Variants in LINGO2 observed in about 807,000 individuals in gnomAD.
LINGO2 encodes the protein leucine-rich repeat and immunoglobulin-like domain-containing nogo receptor-interacting protein 2.
LINGO2 carries 14 observed loss-of-function variants against 30.6 expected under a neutral mutation model. That is an observed-to-expected ratio of 0.46 (90% CI 0.30 to 0.72). The LOEUF (loss-of-function observed/expected upper bound fraction) is 0.72, where lower values mean the gene tolerates loss of function less well. LINGO2 is among the 30% of genes least tolerant of loss of function. The pLI is 0.07. For missense variants in LINGO2, 729 were observed against 751.7 expected (o/e 0.97, Z 0.35); for synonymous variants, 317 against 288.5 (o/e 1.10, Z -1.00).
At chr9:28,824,076 A>C in the LINGO2 span, among the ~76,000 whole-genome samples, 1 of 152,214 alleles carries the variant, frequency 6.6e-6, no homozygotes. Context: ...TTGTAAATTT[A>C]TGCAAATAGT....
the LINGO2 span, among the ~76,000 whole-genome samples, chr9:29,131,661 G>T: frequency 6.6e-6 from 1 of 152,058 alleles, no homozygotes; most frequent in Non-Finnish European, 1.5e-5. Flanking sequence ...AAGAGAAGCT[G>T]ACATTTTGGT....
chr9:28,636,595 T>C (rs1286002234), intron 1 of LINGO2, among the ~76,000 whole-genome samples: 2 of 152,206 alleles, frequency 1.3e-5, no homozygotes, highest in Non-Finnish European at 2.9e-5. Context: ...CATATTTTCA[T>C]TGTGTCTGTT....
At chr9:28,349,589 A>G (rs1480343357) in intron 3 of LINGO2, among the ~76,000 whole-genome samples, 33 of 135,664 alleles carry the variant, frequency 2.4e-4, no homozygotes, top group Admixed American at 5.6e-4. Flanking sequence ...GATATTATCC[A>G]GGAGAACTTC....
At chr9:28,089,297 T>C (rs894326494) in intron 4 of LINGO2, among the ~76,000 whole-genome samples, 13 of 152,172 alleles carry the variant, frequency 8.5e-5, no homozygotes, top group African/African-American at 2.7e-4. Flanking sequence ...TATTCCAAAA[T>C]TGACCACACA....
At chr9:28,804,642 C>T in the LINGO2 span, among the ~76,000 whole-genome samples, 3 of 151,802 alleles carry the variant, frequency 2.0e-5, no homozygotes, top group Non-Finnish European at 2.9e-5. Flanking sequence ...TGTTTTTCCT[C>T]CCTAAAATAA....
intron 1 of LINGO2, among the ~76,000 whole-genome samples, chr9:28,539,364 T>C (rs1415356980): frequency 1.3e-5 from 2 of 152,140 alleles, no homozygotes; most frequent in Non-Finnish European, 2.9e-5. Context: ...GTTTAATAAG[T>C]ACTAAAAGAA....
intron 1 of LINGO2, among the ~76,000 whole-genome samples, chr9:28,597,592 G>A (rs896078043): frequency 2.0e-5 from 3 of 152,154 alleles, no homozygotes; most frequent in Admixed American, 2.0e-4. Context: ...ATCAGATGCA[G>A]CTATTTATCA....
chr9:28,876,049 C>T, the LINGO2 span, among the ~76,000 whole-genome samples: 20,827 of 151,844 alleles, frequency 0.14, 2,050 homozygotes, highest in African/African-American at 0.28. Flanking sequence ...CCTTTCACTC[C>T]GAGTATTTTT....
the LINGO2 span, among the ~76,000 whole-genome samples, chr9:28,912,688 C>G: frequency 2.0e-5 from 3 of 151,976 alleles, no homozygotes; most frequent in African/African-American, 7.3e-5. Context: ...TTAGTAATCA[C>G]TGATGCTTCT....
chr9:28,498,370 C>T (rs541117322), intron 1 of LINGO2, among the ~76,000 whole-genome samples: 39 of 152,302 alleles, frequency 2.6e-4, no homozygotes, highest in African/African-American at 8.2e-4. Context: ...GGCGCCCCTC[C>T]GCTAGCCTCG....
At chr9:28,238,579 G>A (rs114183273) in intron 4 of LINGO2, among the ~76,000 whole-genome samples, 42 of 152,054 alleles carry the variant, frequency 2.8e-4, no homozygotes, top group African/African-American at 9.9e-4. Flanking sequence ...AAGGAAATTG[G>A]AATTTTTTTC....
intron 4 of LINGO2, among the ~76,000 whole-genome samples, chr9:28,227,007 T>C (rs1821192894): frequency 2.6e-5 from 4 of 152,134 alleles, no homozygotes; most frequent in Admixed American, 2.0e-4. Context: ...AGATCTAATC[T>C]CAGTATCAGT....
chr9:29,023,382 T>C, the LINGO2 span, among the ~76,000 whole-genome samples: 1 of 152,288 alleles, frequency 6.6e-6, no homozygotes, highest in Middle Eastern at 3.4e-3. Context: ...TATGTCCCTA[T>C]TTATTTTTTA....
chr9:29,180,746 T>C, the LINGO2 span, among the ~76,000 whole-genome samples: 1 of 152,054 alleles, frequency 6.6e-6, no homozygotes, highest in African/African-American at 2.4e-5. Flanking sequence ...TTCATTTCTA[T>C]CAAATAACAA....
At chr9:28,973,222 C>T in the LINGO2 span, among the ~76,000 whole-genome samples, 1 of 152,028 alleles carries the variant, frequency 6.6e-6, no homozygotes, top group Non-Finnish European at 1.5e-5. Flanking sequence ...AGAAGACTAC[C>T]TCAAGGCATT....
At chr9:29,054,962 T>C in the LINGO2 span, among the ~76,000 whole-genome samples, 1 of 152,034 alleles carries the variant, frequency 6.6e-6, no homozygotes, top group Admixed American at 6.6e-5. Flanking sequence ...ATCGCGCCTG[T>C]AATCCCAGCA....
chr9:28,069,581 C>T (rs1372197191), intron 4 of LINGO2, among the ~76,000 whole-genome samples: 3 of 152,156 alleles, frequency 2.0e-5, no homozygotes, highest in African/African-American at 7.2e-5. Flanking sequence ...TTTGATATTC[C>T]TTCCGAATGC....
chr9:28,337,600 T>G (rs137886042), intron 3 of LINGO2, among the ~76,000 whole-genome samples: 1 of 152,168 alleles, frequency 6.6e-6, no homozygotes, highest in Non-Finnish European at 1.5e-5. Flanking sequence ...TGGTTTCCTA[T>G]GCCTGGTCTA....
chr9:28,451,291 T>G (rs1011846533), intron 2 of LINGO2, among the ~76,000 whole-genome samples: 1 of 151,840 alleles, frequency 6.6e-6, no homozygotes, highest in Admixed American at 6.6e-5. Context: ...AAGAAAATAA[T>G]CATTTCATAG....
Sources: gnomAD v4.1 joint callset for allele counts (sites outside exome capture counted in the v4.1 genomes callset) on GRCh38, gnomAD v4.1.1 for gene constraint, MANE v1.5 for transcripts, NCBI Gene and HGNC (gene_info 2026-07-23, HGNC 2026-07-21) for gene names.